The following ADK variants were observed in gnomAD, a reference collection of about 807,000 sequenced individuals.
ADK encodes adenosine kinase, also known as N6,N6-dimethyladenosine kinase.
A neutral mutation model predicts 44.7 loss-of-function variants in ADK; 24 were observed. The observed-to-expected ratio is 0.54, with a 90% confidence interval of 0.39 to 0.76. The LOEUF is 0.76. ADK is among the 30% of genes least tolerant of loss of function. The pLI, the probability that ADK is intolerant of heterozygous loss-of-function variation, is 0.00. For synonymous variants in ADK, 128 were observed against 142.6 expected (o/e 0.90, Z 0.73); for missense variants, 321 against 425.1 (o/e 0.76, Z 2.15).
intron 9 of ADK, among the ~76,000 whole-genome samples, chr10:74,640,289 G>T (rs1853794797): frequency 6.6e-6 from 1 of 152,052 alleles, no homozygotes; most frequent in Non-Finnish European, 1.5e-5. Context: ...GGGTACTGGT[G>T]CACTCCTGGG....
chr10:74,208,981 C>T (rs1403379283), intron 2 of ADK, among the ~76,000 whole-genome samples: 2 of 152,138 alleles, frequency 1.3e-5, no homozygotes, highest in Non-Finnish European at 2.9e-5. Flanking sequence ...TGGTGATCTG[C>T]CCACCTCGGT....
chr10:74,226,783 C>T (rs2395078), intron 3 of ADK, among the ~76,000 whole-genome samples: 111,761 of 151,910 alleles, frequency 0.74, 41,787 homozygotes, highest in Middle Eastern at 0.85. Context: ...AATTCCTTTT[C>T]ATTTTTGCAG....
intron 9 of ADK, among the ~76,000 whole-genome samples, chr10:74,652,105 A>G (rs1042377083): frequency 2.2e-4 from 32 of 145,032 alleles, no homozygotes; most frequent in Admixed American, 2.1e-3. Context: ...TAGTAGCGCC[A>G]TCTTGGCTCA....
At chr10:74,321,189 C>G (rs1437070013) in intron 4 of ADK, among the ~76,000 whole-genome samples, 1 of 152,108 alleles carries the variant, frequency 6.6e-6, no homozygotes, top group African/African-American at 2.4e-5. Context: ...ATTTTAAATA[C>G]CATCTTATCC....
At chr10:74,366,736 C>T (rs990873986) in intron 4 of ADK, among the ~76,000 whole-genome samples, 1 of 152,014 alleles carries the variant, frequency 6.6e-6, no homozygotes, top group Non-Finnish European at 1.5e-5. Context: ...TCGAGATTAG[C>T]CTGGGCAACA....
chr10:74,453,894 T>C (rs1484943278), intron 6 of ADK, among the ~76,000 whole-genome samples: 1 of 152,122 alleles, frequency 6.6e-6, no homozygotes, highest in African/African-American at 2.4e-5. Flanking sequence ...CTAAAAATTA[T>C]TAGTAATTGC....
intron 4 of ADK, among the ~76,000 whole-genome samples, chr10:74,382,840 C>T (rs1221778362): frequency 6.6e-6 from 1 of 152,084 alleles, no homozygotes; most frequent in Non-Finnish European, 1.5e-5. Flanking sequence ...TCTTCCCTCA[C>T]TTCCCCTTGG....
intron 1 of ADK, among the ~76,000 whole-genome samples, chr10:74,186,400 C>A (rs1842768626): frequency 6.6e-6 from 1 of 152,062 alleles, no homozygotes; most frequent in Non-Finnish European, 1.5e-5. Context: ...TTGCCTCAGT[C>A]CCCCAAGTAG....
intron 4 of ADK, among the ~76,000 whole-genome samples, chr10:74,340,715 T>C (rs1460798647): frequency 2.6e-5 from 4 of 152,262 alleles, no homozygotes; most frequent in East Asian, 1.9e-4. Context: ...AACTGAGGAA[T>C]TGCTGTTTGT....
At chr10:74,583,159 TAA>T (rs1462949606) in intron 7 of ADK, among the ~76,000 whole-genome samples, 1 of 152,214 alleles carries the variant, frequency 6.6e-6, no homozygotes, top group Non-Finnish European at 1.5e-5. Context: ...TTTAGCAGTA[TAA>T]GTCTTTATGT....
intron 1 of ADK, among the ~76,000 whole-genome samples, chr10:74,171,432 A>C (rs1842157593): frequency 6.6e-6 from 1 of 152,186 alleles, no homozygotes; most frequent in Admixed American, 6.5e-5. Context: ...GGCTTGAAGC[A>C]TTTGTTGAAG....
chr10:74,522,551 C>T (rs918243675), intron 6 of ADK, among the ~76,000 whole-genome samples: 25 of 152,120 alleles, frequency 1.6e-4, no homozygotes, highest in African/African-American at 6.0e-4. Context: ...AAGATGGACC[C>T]CAATACACAT....
intron 4 of ADK, among the ~76,000 whole-genome samples, chr10:74,353,809 A>C (rs912868950): frequency 6.6e-6 from 1 of 152,194 alleles, no homozygotes; most frequent in South Asian, 2.1e-4. Context: ...TGGAGCTTGC[A>C]GTGAGCTGAG....
intron 7 of ADK, among the ~76,000 whole-genome samples, chr10:74,588,453 C>T (rs897235182): frequency 6.6e-6 from 1 of 152,092 alleles, no homozygotes; most frequent in East Asian, 1.9e-4. Flanking sequence ...AATGTCCTAC[C>T]CTATGAATGT....
chr10:74,373,545 G>A (rs894841418), intron 4 of ADK, among the ~76,000 whole-genome samples: 1 of 152,084 alleles, frequency 6.6e-6, no homozygotes, highest in Admixed American at 6.5e-5. Context: ...ATATACAAAT[G>A]ACTAAGGAGC....
At chr10:74,543,986 C>T (rs1013202717) in intron 7 of ADK, among the ~76,000 whole-genome samples, 4 of 152,036 alleles carry the variant, frequency 2.6e-5, no homozygotes, top group African/African-American at 9.7e-5. Flanking sequence ...ACAAGCACCT[C>T]TTCCTTTCTC....
chr10:74,380,795 T>A (rs1396709992), intron 4 of ADK, among the ~76,000 whole-genome samples: 3 of 152,190 alleles, frequency 2.0e-5, no homozygotes, highest in Admixed American at 2.0e-4. Flanking sequence ...TATTAGCTTC[T>A]AGGCAAAATC....
chr10:74,245,278 T>C (rs1411832485), intron 3 of ADK, among the ~76,000 whole-genome samples: 1 of 152,172 alleles, frequency 6.6e-6, no homozygotes, highest in Non-Finnish European at 1.5e-5. Context: ...TGTTTTTGAA[T>C]GAATATTTTA....
chr10:74,666,441 C>T (rs748261307), intron 9 of ADK, among the ~76,000 whole-genome samples: 1 of 152,056 alleles, frequency 6.6e-6, no homozygotes, highest in South Asian at 2.1e-4. Flanking sequence ...TTTTAGAAAT[C>T]CAGAAAGTAG....
Sources: gnomAD v4.1 joint callset for allele counts (sites outside exome capture counted in the v4.1 genomes callset) on GRCh38, gnomAD v4.1.1 for gene constraint, MANE v1.5 for transcripts, NCBI Gene and HGNC (gene_info 2026-07-23, HGNC 2026-07-21) for gene names.